SLC7A14: variants seen among roughly 807,000 people sequenced by gnomAD.
SLC7A14 encodes solute carrier family 7 member 14.
Under a neutral mutation model 60.2 loss-of-function variants are expected in SLC7A14, and 37 were observed. The ratio of observed to expected loss-of-function variants is 0.61; its 90% confidence interval spans 0.47 to 0.81. The LOEUF is 0.81. SLC7A14 is among the 30% of genes least tolerant of loss of function. The pLI is 0.00. For synonymous variants in SLC7A14, 399 were observed against 395.8 expected (o/e 1.01, Z -0.10); for missense variants, 886 against 982.7 (o/e 0.90, Z 1.32).
chr3:170,570,998 T>G (rs1351613930), intron 1 of SLC7A14, among the ~76,000 whole-genome samples: 1 of 152,154 alleles, frequency 6.6e-6, no homozygotes, highest in Non-Finnish European at 1.5e-5. Context: ...CTTCTTTTAT[T>G]GTTGACTTAA....
chr3:170,496,682 G>A, intron 4 of SLC7A14: 3 of 1,058,612 alleles, frequency 2.8e-6, no homozygotes, highest in Non-Finnish European at 2.9e-6. Flanking sequence ...AAGACCACCA[G>A]CGGCTATGCA....
chr3:170,575,366 T>G (rs1715061450), intron 1 of SLC7A14, among the ~76,000 whole-genome samples: 1 of 152,178 alleles, frequency 6.6e-6, no homozygotes, highest in African/African-American at 2.4e-5. Context: ...CAGTTTGAAA[T>G]GAGGAGGCAG....
Position 170,498,845 on chromosome 3 carries a change from A to G in SLC7A14, c.581T>C (p.Leu194Ser), listed in dbSNP as rs148572190. 6.2e-7 allele frequency: 1 copy of G among 1,614,206 alleles called. No individual in the cohort carries two copies. The change falls in exon 4 of 8, where the codon TTG becomes TCG. Residue 194 changes from leucine to serine, a missense_variant. By Grantham distance (145) the Leu-to-Ser change is moderately radical. Coordinates refer to ENST00000231706, the MANE Select transcript of SLC7A14 (RefSeq NM_020949.3). Reference protein sequence around the residue: ...EESYPDLLALLIAVIVTIIVA... With the variant: ...EESYPDLLALSIAVIVTIIVA... The stretch of plus-strand genomic sequence containing the variant: ...AATGATGGTCACGATGACCGCGATC[A>G]ACAGAGCCAGAAGGTCTGGGTATGA...
chr3:170,559,962 AT>A (rs1414334008), intron 1 of SLC7A14, among the ~76,000 whole-genome samples: 1 of 152,250 alleles, frequency 6.6e-6, no homozygotes, highest in Non-Finnish European at 1.5e-5. Context: ...GCATTGCTGA[AT>A]AAAGATAATC....
intron 1 of SLC7A14, among the ~76,000 whole-genome samples, chr3:170,549,214 C>CTTTTTTT (rs113114531): frequency 7.7e-6 from 1 of 129,512 alleles, no homozygotes; most frequent in African/African-American, 3.0e-5. Context: ...CGGCCTTCTT[C>CTTTTTTT]TTTTTTTTTT....
intron 1 of SLC7A14, 43 bp from the exon 2 acceptor site, chr3:170,527,131 GAAAC>G (rs1404642358): frequency 3.2e-6 from 2 of 618,648 alleles, no homozygotes; most frequent in Non-Finnish European, 5.6e-6. Flanking sequence ...GACCGAGTGA[GAAAC>G]AAACCTTGAC....
intron 4 of SLC7A14, among the ~76,000 whole-genome samples, chr3:170,494,368 A>T (rs1421397234): frequency 1.3e-5 from 2 of 152,246 alleles, no homozygotes; most frequent in Non-Finnish European, 2.9e-5. Flanking sequence ...TAGGAAAGTT[A>T]GTGAGAACCC....
intron 7 of SLC7A14, among the ~76,000 whole-genome samples, chr3:170,480,053 T>C (rs1246759132): frequency 6.6e-6 from 1 of 152,230 alleles, no homozygotes; most frequent in Non-Finnish European, 1.5e-5. Flanking sequence ...CTTTCAGTAA[T>C]TCAGTAAAGC....
At chr3:170,512,853 C>T (rs1215808978) in intron 2 of SLC7A14, among the ~76,000 whole-genome samples, 4 of 151,558 alleles carry the variant, frequency 2.6e-5, no homozygotes, top group African/African-American at 7.3e-5. Context: ...TTAGTAGAGA[C>T]GGGGTTTCAC....
In SLC7A14 at chr3:170,467,178, G is replaced by C; in HGVS notation, c.2193C>G (p.Tyr731Ter). Residue 731 changes from tyrosine to a stop codon, truncating the protein, a stop_gained, in exon 8 of 8, where the codon TAC (tyrosine) becomes TAG (stop). Transcript: ENST00000231706. LOFTEE classifies it high-confidence loss of function. ...TTGCCTTCGCATCTGACATCTGTTGGTAATAGAAGCCTTTGTCTTCAGTGG... is the reference window on the plus strand; with the variant it reads ...TTGCCTTCGCATCTGACATCTGTTGCTAATAGAAGCCTTTGTCTTCAGTGG... ...GGPTEDKGFY[Y>*]QQMSDAKANG... 1 of 1,614,226 alleles carries C rather than the reference G, an allele frequency of 6.2e-7. No individual in the cohort carries two copies. Among genetic ancestry groups the C allele is most frequent in the Non-Finnish European group, 8.5e-7 (1 of 1,180,050 alleles).
intron 4 of SLC7A14, chr3:170,495,836 T>C (rs1314149035): frequency 1.7e-6 from 2 of 1,142,898 alleles, no homozygotes; most frequent in East Asian, 2.3e-5. Flanking sequence ...AGAAGATGGC[T>C]CGGATCAACG....
Position 170,498,812 on chromosome 3 carries a change from A to G in SLC7A14, c.614T>C (p.Leu205Pro). 6.2e-7 allele frequency: 1 copy of G among 1,614,190 alleles called. No homozygotes were observed. The highest frequency in any genetic ancestry group is 8.5e-7 in the Non-Finnish European group (1 of 1,180,022). ...GAAGCCTATGGAATTCTTCACCCCC[A>G]GAGCAACAATGATGGTCACGATGAC... ...IAVIVTIIVA[L>P]GVKNSIGFNN... is the part of the protein sequence containing the mutation. The change falls in exon 4 of 8, where the codon CTG (leucine) becomes CCG (proline). Residue 205 changes from leucine (L) to proline (P), a missense_variant. Transcript: ENST00000231706.
intron 4 of SLC7A14, chr3:170,496,312 G>T: frequency 1.9e-6 from 2 of 1,029,122 alleles, no homozygotes; most frequent in Non-Finnish European, 3.1e-6. Flanking sequence ...ACGCTGGCTG[G>T]CAAGCACGGG....
intron 1 of SLC7A14, among the ~76,000 whole-genome samples, chr3:170,574,790 A>G (rs1715043401): frequency 6.6e-6 from 1 of 152,178 alleles, no homozygotes; most frequent in Non-Finnish European, 1.5e-5. Flanking sequence ...GGGAAATGCC[A>G]TGTTATTTAT....
At chr3:170,584,438 G>T (rs555574687) in intron 1 of SLC7A14, among the ~76,000 whole-genome samples, 1 of 152,282 alleles carries the variant, frequency 6.6e-6, no homozygotes, top group African/African-American at 2.4e-5. Context: ...AAGTCTCACT[G>T]CTCAGGTATA....
Position 170,499,609 on chromosome 3 carries a change from AT to A in SLC7A14, c.542-726del, listed in dbSNP as rs534903984. Among the ~76,000 whole-genome samples, 427 of 152,172 alleles carry A rather than the reference AT, an allele frequency of 2.8e-3. 2 individuals carry two copies. The highest frequency in any genetic ancestry group is 9.8e-3 in the African/African-American group (408 of 41,452). On this transcript the variant is annotated intron_variant, in intron 3 of 7. Transcript: ENST00000231706. ...CATCCCATTCCCAAACCTTTTCTTTATCAACAATTTTAAGAATGTGTGTCTT... is the reference window on the plus strand; with the variant it reads ...CATCCCATTCCCAAACCTTTTCTTTACAACAATTTTAAGAATGTGTGTCTT...
chr3:170,530,694 T>C (rs913226499), intron 1 of SLC7A14, among the ~76,000 whole-genome samples: 11 of 152,084 alleles, frequency 7.2e-5, no homozygotes, highest in Admixed American at 1.3e-4. Flanking sequence ...CAGCCCGGGA[T>C]GGATGTAAAA....
rs1260764238 is a variant in SLC7A14 at position 170,464,617 on chromosome 3, G to T, written c.*2438C>A. The T allele has an allele frequency of 2.0e-5, 3 of 152,076 alleles. 1 individual carries two copies. Among genetic ancestry groups the T allele is most frequent in the Non-Finnish European group, 4.4e-5 (3 of 68,022 alleles). The allele number at this position is 152,076 out of a possible 1,614,324, so 9.4% of individuals were successfully genotyped here. A position where few individuals can be genotyped will look rare whatever the true frequency, so the allele number is the denominator to read the frequency against. ...TATCAACTTTAGAAAAATAAAGGGAGCTAAGCTTAAAATATACTAATATAC... is the reference window on the plus strand; with the variant it reads ...TATCAACTTTAGAAAAATAAAGGGATCTAAGCTTAAAATATACTAATATAC... On this transcript the variant is annotated 3_prime_UTR_variant, in exon 8 of 8. Coordinates refer to ENST00000231706, the MANE Select transcript of SLC7A14 (RefSeq NM_020949.3).
chr3:170,473,514 G>A (rs1711513116), intron 7 of SLC7A14, among the ~76,000 whole-genome samples: 2 of 152,196 alleles, frequency 1.3e-5, no homozygotes, highest in South Asian at 4.1e-4. Context: ...CCAGCAGGAA[G>A]CTCTGCCCAC....
Sources: gnomAD v4.1 joint callset for allele counts (sites outside exome capture counted in the v4.1 genomes callset) on GRCh38, gnomAD v4.1.1 for gene constraint, MANE v1.5 for transcripts, NCBI Gene and HGNC (gene_info 2026-07-23, HGNC 2026-07-21) for gene names.